The following SPAG16 variants were observed in gnomAD, a reference collection of about 807,000 sequenced individuals.
SPAG16 encodes the protein sperm associated antigen 16, also known as sperm-associated antigen 16 protein.
A neutral mutation model predicts 80.4 loss-of-function variants in SPAG16; 86 were observed. That is an observed-to-expected ratio of 1.07 (90% CI 0.90 to 1.28). The LOEUF (loss-of-function observed/expected upper bound fraction) is 1.28, where lower values mean the gene tolerates loss of function less well. SPAG16 is among the 50% of genes most tolerant of loss of function. The pLI is 0.00. For synonymous variants in SPAG16, 294 were observed against 265.9 expected (o/e 1.11, Z -1.03); for missense variants, 870 against 765.3 (o/e 1.14, Z -1.61).
At chr2:213,702,456 T>G (rs1007002626) in intron 10 of SPAG16, among the ~76,000 whole-genome samples, 1 of 152,180 alleles carries the variant, frequency 6.6e-6, no homozygotes, top group East Asian at 1.9e-4. Flanking sequence ...CTGAGGCCAG[T>G]GAGACCACGA....
At chr2:214,302,409 CA>C (rs1215077991) in intron 15 of SPAG16, among the ~76,000 whole-genome samples, 1 of 152,130 alleles carries the variant, frequency 6.6e-6, no homozygotes, top group Non-Finnish European at 1.5e-5. Context: ...CAAAGTCCCC[CA>C]CTATTTATTA....
chr2:213,295,787 T>A (rs986987142), intron 1 of SPAG16, among the ~76,000 whole-genome samples: 4 of 152,130 alleles, frequency 2.6e-5, no homozygotes, highest in African/African-American at 9.7e-5. Flanking sequence ...AGAATCAAGT[T>A]TGAAATCATT....
At chr2:214,187,240 T>C (rs1005173574) in intron 15 of SPAG16, among the ~76,000 whole-genome samples, 6 of 152,108 alleles carry the variant, frequency 3.9e-5, no homozygotes, top group African/African-American at 1.2e-4. Flanking sequence ...TTCCGGTATA[T>C]TCCTGTTTTA....
At chr2:214,363,470 G>T (rs1383769104) in intron 15 of SPAG16, among the ~76,000 whole-genome samples, 1 of 151,760 alleles carries the variant, frequency 6.6e-6, no homozygotes. Flanking sequence ...TTTTAATGTT[G>T]ATGTGTCCTG....
At chr2:214,384,887 C>T (rs1214836439) in intron 15 of SPAG16, among the ~76,000 whole-genome samples, 1 of 152,206 alleles carries the variant, frequency 6.6e-6, no homozygotes, top group Non-Finnish European at 1.5e-5. Flanking sequence ...ATCCCTGAGT[C>T]AAGTTGAATT....
chr2:213,658,941 C>A (rs2063321855), intron 10 of SPAG16, among the ~76,000 whole-genome samples: 1 of 152,088 alleles, frequency 6.6e-6, no homozygotes. Flanking sequence ...GAGGCTGAGG[C>A]AGGAGAATTG....
intron 13 of SPAG16, among the ~76,000 whole-genome samples, chr2:214,100,031 A>G (rs2052895137): frequency 6.6e-6 from 1 of 151,982 alleles, no homozygotes; most frequent in Admixed American, 6.6e-5. Context: ...TGTCGAGGGG[A>G]GACCTGGTGG....
intron 9 of SPAG16, among the ~76,000 whole-genome samples, chr2:213,454,226 T>G (rs898975055): frequency 1.3e-5 from 2 of 152,130 alleles, no homozygotes; most frequent in Non-Finnish European, 2.9e-5. Flanking sequence ...AACAAAAAAA[T>G]TATGTATTAA....
intron 15 of SPAG16, among the ~76,000 whole-genome samples, chr2:214,178,579 C>T (rs10460332): frequency 1.2e-4 from 18 of 151,292 alleles, no homozygotes; most frequent in African/African-American, 4.1e-4. Context: ...ATCTTTAAGT[C>T]TATATTGCTT....
intron 10 of SPAG16, among the ~76,000 whole-genome samples, chr2:213,674,474 G>A (rs1236753570): frequency 2.0e-5 from 3 of 150,972 alleles, no homozygotes; most frequent in Middle Eastern, 3.4e-3. Flanking sequence ...ATGCTGGTGC[G>A]CTGCACCCAC....
At chr2:214,013,284 A>G (rs921732630) in intron 12 of SPAG16, among the ~76,000 whole-genome samples, 3 of 151,858 alleles carry the variant, frequency 2.0e-5, no homozygotes, top group African/African-American at 7.3e-5. Context: ...AGAGAGATCC[A>G]ATCAGGGTAG....
rs2067976568 is a variant in SPAG16 at position 213,395,349 on chromosome 2, G to A, written c.942+20230G>A. Among the ~76,000 whole-genome samples, 5 of 152,072 alleles carry A rather than the reference G, an allele frequency of 3.3e-5. No individual in the cohort carries two copies. The South Asian group carries it at 1.0e-3, about 32-fold the overall frequency. ...TTGACTTTTTAATCTTGTAATGTAA[G>A]AATATAGTGCTATAAATTTTCCTCT... is the stretch of plus-strand genomic sequence containing the variant. On this transcript the variant is annotated intron_variant, in intron 9 of 15. Coordinates refer to ENST00000331683, the MANE Select transcript of SPAG16 (RefSeq NM_024532.5).
chr2:213,774,371 CT>C (rs1199928890), intron 10 of SPAG16, among the ~76,000 whole-genome samples: 14 of 152,238 alleles, frequency 9.2e-5, no homozygotes, highest in African/African-American at 3.1e-4. Context: ...TGCTTATAAT[CT>C]TTCATGTTTT....
intron 9 of SPAG16, among the ~76,000 whole-genome samples, chr2:213,410,577 T>C (rs956914360): frequency 2.8e-4 from 43 of 152,212 alleles, no homozygotes; most frequent in African/African-American, 9.4e-4. Context: ...CAACTGGTTT[T>C]TGTAATTTCC....
chr2:213,551,049 G>A (rs576221324), intron 10 of SPAG16, among the ~76,000 whole-genome samples: 3 of 152,078 alleles, frequency 2.0e-5, no homozygotes, highest in Admixed American at 1.3e-4. Flanking sequence ...TTTCCTAACC[G>A]TAATAGTCAG....
rs113330734 is a variant in SPAG16 at position 214,330,213 on chromosome 2, G to A, written c.1721-79927G>A. Among the ~76,000 whole-genome samples the A allele has an allele frequency of 7.8e-4, 119 of 151,636 alleles. 1 individual carries two copies. In the Middle Eastern group the frequency reaches 0.01, roughly 13 times the overall value. Reference sequence around the variant, plus strand: ...AATAGCTTGAACCCGGGAGGTGGAGGTGGCAGTGAGCCGAGATCACGCCAT... The same window carrying A: ...AATAGCTTGAACCCGGGAGGTGGAGATGGCAGTGAGCCGAGATCACGCCAT... On this transcript the variant is annotated intron_variant, in intron 15 of 15. Transcript: ENST00000331683.
At chr2:213,923,594 A>G (rs915681129) in intron 11 of SPAG16, among the ~76,000 whole-genome samples, 1 of 152,140 alleles carries the variant, frequency 6.6e-6, no homozygotes, top group Non-Finnish European at 1.5e-5. Flanking sequence ...TTGCCTGGCT[A>G]TGAGTAGCAG....
At chr2:213,563,665 A>T (rs1018790551) in intron 10 of SPAG16, among the ~76,000 whole-genome samples, 1 of 152,238 alleles carries the variant, frequency 6.6e-6, no homozygotes, top group Non-Finnish European at 1.5e-5. Flanking sequence ...ATCTCCAGAA[A>T]CAGTCACATT....
chr2:213,551,568 G>A (rs76048294), intron 10 of SPAG16, among the ~76,000 whole-genome samples: 1 of 152,262 alleles, frequency 6.6e-6, no homozygotes, highest in East Asian at 1.9e-4. Flanking sequence ...GTCAAAATCT[G>A]TGCAGGTTTC....
Sources: gnomAD v4.1 joint callset for allele counts (sites outside exome capture counted in the v4.1 genomes callset) on GRCh38, gnomAD v4.1.1 for gene constraint, MANE v1.5 for transcripts, NCBI Gene and HGNC (gene_info 2026-07-23, HGNC 2026-07-21) for gene names.